Variants in KIAA1671 observed in about 807,000 individuals in gnomAD.
KIAA1671 encodes the protein uncharacterized protein KIAA1671.
In KIAA1671, 52 loss-of-function variants were observed where a neutral mutation model predicts 131.2. The observed-to-expected ratio is 0.40, with a 90% confidence interval of 0.32 to 0.50. The LOEUF (loss-of-function observed/expected upper bound fraction) is 0.50. Ranked by LOEUF, KIAA1671 falls within the 20% of genes least tolerant of loss-of-function variation. The probability of loss-of-function intolerance (pLI) is 0.73; values close to 1 mark genes in which losing one functional copy is unlikely to be tolerated. For synonymous variants in KIAA1671, 1,003 were observed against 961.6 expected (o/e 1.04, Z -0.80); for missense variants, 2,360 against 2,364.2 (o/e 1.00, Z 0.04).
intron 6 of KIAA1671, chr22:25,112,440 C>T (rs1394943990): frequency 5.0e-6 from 2 of 399,096 alleles, no homozygotes; most frequent in Admixed American, 4.4e-5. Context: ...AAAAGGCATA[C>T]AGATTCGGAA....
chr22:25,002,740 A>G (rs181920804), intron 1 of KIAA1671, among the ~76,000 whole-genome samples: 6 of 151,522 alleles, frequency 4.0e-5, no homozygotes, highest in Admixed American at 1.3e-4. Context: ...ACATTTGTAT[A>G]TTTGGAAATT....
chr22:24,967,789 G>C (rs575437216), intron 1 of KIAA1671, among the ~76,000 whole-genome samples: 2 of 152,116 alleles, frequency 1.3e-5, no homozygotes, highest in South Asian at 2.1e-4. Context: ...TCAGGAGATC[G>C]AGACCATCCT....
At chr22:25,042,805 A>G (rs1927019203) in intron 5 of KIAA1671, among the ~76,000 whole-genome samples, 1 of 152,096 alleles carries the variant, frequency 6.6e-6, no homozygotes, top group Non-Finnish European at 1.5e-5. Flanking sequence ...GATCCCAGGA[A>G]GAACCAGTAG....
At chr22:24,983,189 TGA>T (rs1923322466) in intron 1 of KIAA1671, among the ~76,000 whole-genome samples, 1 of 152,202 alleles carries the variant, frequency 6.6e-6, no homozygotes, top group South Asian at 2.1e-4. Flanking sequence ...TGTGCTTTTC[TGA>T]GTGCACCTTA....
chr22:25,105,630 A>C (rs935694438), intron 6 of KIAA1671, among the ~76,000 whole-genome samples: 2 of 152,102 alleles, frequency 1.3e-5, no homozygotes, highest in African/African-American at 2.4e-5. Flanking sequence ...TCTGTACCTA[A>C]AGGAAGCCAG....
intron 1 of KIAA1671, among the ~76,000 whole-genome samples, chr22:25,006,459 G>A (rs1035809619): frequency 1.3e-5 from 2 of 151,962 alleles, no homozygotes; most frequent in African/African-American, 4.9e-5. Context: ...GAATTAAGGT[G>A]TCTGGTCGCC....
At chr22:25,117,292 C>T (rs79138574) in intron 6 of KIAA1671, among the ~76,000 whole-genome samples, 8,972 of 152,136 alleles carry the variant, frequency 0.059, 852 homozygotes, top group African/African-American at 0.2. Context: ...CCAGGAACCA[C>T]ACAGCTGCCC....
chr22:25,150,934 ACC>A (rs936980820), intron 6 of KIAA1671, among the ~76,000 whole-genome samples: 4 of 148,486 alleles, frequency 2.7e-5, no homozygotes, highest in Non-Finnish European at 4.4e-5. Context: ...CCGGGTTCAC[ACC>A]ATTCTCCTGC....
chr22:25,014,053 C>G (rs1232138858), intron 1 of KIAA1671: 5 of 152,152 alleles, frequency 3.3e-5, no homozygotes, highest in African/African-American at 1.2e-4. Context: ...AACCAAATAG[C>G]CCACTTCTAG....
intron 4 of KIAA1671, among the ~76,000 whole-genome samples, chr22:25,033,302 A>G (rs1926391377): frequency 6.6e-6 from 1 of 152,034 alleles, no homozygotes. Context: ...AGGCAGGAGG[A>G]TTGCTTGAGC....
In KIAA1671 at chr22:25,028,666, A is replaced by T. The variant is rs764008684; in HGVS notation, c.667A>T (p.Ser223Cys). The T allele has an allele frequency of 1.6e-4, 248 of 1,551,156 alleles. No individual in the cohort carries two copies. The highest frequency in any genetic ancestry group is 3.9e-4 in the Admixed American group (20 of 51,010). ...AGACCATCCTCCCTCAAAGGCCAGC[A>T]GTGTGGAGGACACGGCACGCCCCCT... ...GQDHPPSKAS[S>C]VEDTARPLVE... Residue 223 changes from serine to cysteine, a missense_variant, in exon 3 of 13, where the codon AGT (serine) becomes TGT (cysteine). By Grantham distance (112) the Ser-to-Cys change is moderately radical (BLOSUM62 -1). Coordinates refer to ENST00000358431, the MANE Select transcript of KIAA1671 (RefSeq NM_001145206.2).
At chr22:25,112,940 C>T (rs901612565) in intron 6 of KIAA1671, among the ~76,000 whole-genome samples, 15 of 151,908 alleles carry the variant, frequency 9.9e-5, no homozygotes, top group African/African-American at 3.1e-4. Flanking sequence ...CTTAGGAGAC[C>T]GAGGTGTGGT....
intron 9 of KIAA1671, 51 bp downstream of exon 9, chr22:25,177,573 G>A (rs1467369594): frequency 9.5e-6 from 14 of 1,474,320 alleles, no homozygotes. Flanking sequence ...CAGCAGGAAG[G>A]ATTTAGACTA....
intron 6 of KIAA1671, chr22:25,052,548 C>A (rs1927593447): frequency 2.0e-5 from 3 of 152,156 alleles, no homozygotes; most frequent in African/African-American, 7.2e-5. Flanking sequence ...CATTAAGTGT[C>A]TCTTCCAAGT....
At chr22:25,105,127 T>C (rs1175505571) in intron 6 of KIAA1671, among the ~76,000 whole-genome samples, 1 of 152,080 alleles carries the variant, frequency 6.6e-6, no homozygotes, top group African/African-American at 2.4e-5. Flanking sequence ...GTTCAAGCAA[T>C]TCTCCTGCCT....
chr22:25,086,797 C>T (rs571851599), intron 6 of KIAA1671, among the ~76,000 whole-genome samples: 4 of 152,330 alleles, frequency 2.6e-5, no homozygotes, highest in African/African-American at 4.8e-5. Flanking sequence ...CGAATCCCAG[C>T]GCCGTCTGGC....
intron 6 of KIAA1671, among the ~76,000 whole-genome samples, chr22:25,071,303 T>G (rs1928804588): frequency 6.6e-6 from 1 of 152,236 alleles, no homozygotes; most frequent in African/African-American, 2.4e-5. Context: ...ATACTTCAGA[T>G]GCCTTCTTGC....
chr22:25,146,218 A>G (rs1258744293), intron 6 of KIAA1671, among the ~76,000 whole-genome samples: 1 of 152,220 alleles, frequency 6.6e-6, no homozygotes, highest in African/African-American at 2.4e-5. Flanking sequence ...AGAGAGGTTT[A>G]TCGAGTTGCC....
intron 6 of KIAA1671, among the ~76,000 whole-genome samples, chr22:25,105,755 G>A (rs1420815574): frequency 6.7e-6 from 1 of 149,884 alleles, no homozygotes; most frequent in Non-Finnish European, 1.5e-5. Flanking sequence ...TTTTCTGGGC[G>A]CTTGTCGCCA....
Sources: gnomAD v4.1 joint callset for allele counts (sites outside exome capture counted in the v4.1 genomes callset) on GRCh38, gnomAD v4.1.1 for gene constraint, MANE v1.5 for transcripts, NCBI Gene and HGNC (gene_info 2026-07-23, HGNC 2026-07-21) for gene names.